The following RAB10 variants were observed in gnomAD, a reference collection of about 807,000 sequenced individuals.
The protein encoded by RAB10 is RAB10, member RAS oncogene family.
A neutral mutation model predicts 25.7 loss-of-function variants in RAB10; 5 were observed. That is an observed-to-expected ratio of 0.19 (90% CI 0.10 to 0.41). The LOEUF (loss-of-function observed/expected upper bound fraction) is 0.41, where lower values mean the gene tolerates loss of function less well. Among genes scored for constraint, RAB10 ranks in the 10% least tolerant of loss-of-function variants. The pLI, the probability that RAB10 is intolerant of heterozygous loss-of-function variation, is 1.00. For synonymous variants in RAB10, 89 were observed against 86.4 expected, an observed-to-expected ratio of 1.03 and a Z score of -0.16; for missense variants, 103 against 245.8, an observed-to-expected ratio of 0.42 and a Z score of 3.89.
At chr2:26,112,582 G>A (rs1171324373) in intron 3 of RAB10, among the ~76,000 whole-genome samples, 1 of 152,152 alleles carries the variant, frequency 6.6e-6, no homozygotes, top group African/African-American at 2.4e-5. Flanking sequence ...AAGATAAACT[G>A]AGAAACATAC....
intron 1 of RAB10, among the ~76,000 whole-genome samples, chr2:26,037,617 C>G (rs1439481516): frequency 1.3e-5 from 2 of 149,698 alleles, no homozygotes; most frequent in Admixed American, 1.3e-4. Context: ...CCAGCCTGGG[C>G]AACAAGAGTG....
intron 3 of RAB10, among the ~76,000 whole-genome samples, chr2:26,121,225 T>C (rs1022775136): frequency 6.6e-6 from 1 of 152,196 alleles, no homozygotes; most frequent in African/African-American, 2.4e-5. Flanking sequence ...TTTTTCTTTG[T>C]TAAGCTTGTG....
chr2:26,107,307 T>C (rs1667485697), intron 2 of RAB10, among the ~76,000 whole-genome samples: 1 of 146,716 alleles, frequency 6.8e-6, no homozygotes, highest in South Asian at 2.1e-4. Flanking sequence ...AAACACATGA[T>C]CTGTAAAAGA....
chr2:26,124,851 A>G (rs1667875151), intron 3 of RAB10, among the ~76,000 whole-genome samples: 1 of 152,186 alleles, frequency 6.6e-6, no homozygotes, highest in South Asian at 2.1e-4. Context: ...AAGTGGAATC[A>G]TATAGTATTT....
At chr2:26,045,325 C>T (rs1448552880) in intron 1 of RAB10, among the ~76,000 whole-genome samples, 1 of 151,474 alleles carries the variant, frequency 6.6e-6, no homozygotes, top group African/African-American at 2.4e-5. Context: ...CTGCAAGCTC[C>T]GCCTCCCGGG....
intron 1 of RAB10, among the ~76,000 whole-genome samples, chr2:26,042,031 CAGGAATGCGTT>C (rs1168460385): frequency 6.6e-6 from 1 of 152,162 alleles, no homozygotes; most frequent in Non-Finnish European, 1.5e-5. Flanking sequence ...AGTATGAGCT[CAGGAATGCGTT>C]ACTTATTAGT....
At chr2:26,055,901 T>TC (rs1372104940) in intron 1 of RAB10, among the ~76,000 whole-genome samples, 1 of 143,842 alleles carries the variant, frequency 7.0e-6, no homozygotes, top group African/African-American at 2.5e-5. Context: ...GAACTTTTTT[T>TC]TCTTTTTTTT....
chr2:26,126,609 T>C (rs1387624206), intron 3 of RAB10, among the ~76,000 whole-genome samples: 1 of 152,150 alleles, frequency 6.6e-6, no homozygotes, highest in East Asian at 1.9e-4. Context: ...AGAGATTCTT[T>C]TGATGTTAGA....
At chr2:26,060,661 A>C (rs1000207861) in intron 1 of RAB10, among the ~76,000 whole-genome samples, 1 of 152,192 alleles carries the variant, frequency 6.6e-6, no homozygotes, top group Non-Finnish European at 1.5e-5. Context: ...GATTAGAAAC[A>C]TTAGGTAATT....
chr2:26,122,001 G>A (rs1667810875), intron 3 of RAB10, among the ~76,000 whole-genome samples: 1 of 152,096 alleles, frequency 6.6e-6, no homozygotes, highest in African/African-American at 2.4e-5. Context: ...ATCGTGTCTA[G>A]TGCAATACCA....
intron 2 of RAB10, among the ~76,000 whole-genome samples, chr2:26,106,264 A>G (rs1310505520): frequency 6.6e-6 from 1 of 152,236 alleles, no homozygotes; most frequent in Non-Finnish European, 1.5e-5. Flanking sequence ...TTTATATGGG[A>G]AGGCTAGGGT....
intron 1 of RAB10, among the ~76,000 whole-genome samples, chr2:26,095,220 C>T (rs1036163864): frequency 6.6e-6 from 1 of 152,102 alleles, no homozygotes; most frequent in Admixed American, 6.6e-5. Flanking sequence ...AGATTGTAGT[C>T]CTTTCTGGGT....
chr2:26,104,466 T>G (rs190341145), intron 2 of RAB10, among the ~76,000 whole-genome samples: 1 of 152,360 alleles, frequency 6.6e-6, no homozygotes, highest in East Asian at 1.9e-4. Context: ...TATTTGTATA[T>G]TCTGCATACC....
chr2:26,043,977 C>T (rs763286894), intron 1 of RAB10, among the ~76,000 whole-genome samples: 7 of 152,000 alleles, frequency 4.6e-5, no homozygotes, highest in Non-Finnish European at 1.0e-4. Context: ...ATGGTGATTA[C>T]CAGGGGCTGG....
intron 1 of RAB10, among the ~76,000 whole-genome samples, chr2:26,086,052 C>T (rs894663966): frequency 1.4e-5 from 2 of 146,546 alleles, no homozygotes; most frequent in East Asian, 2.0e-4. Context: ...CGGTAGCTCA[C>T]GCCTGTAATC....
chr2:26,120,339 A>T (rs1000326491), intron 3 of RAB10, among the ~76,000 whole-genome samples: 2 of 152,200 alleles, frequency 1.3e-5, no homozygotes, highest in Non-Finnish European at 1.5e-5. Context: ...TTAGAATCTT[A>T]CCAGAATGAT....
chr2:26,135,177 T>A lies in RAB10; in HGVS notation c.*156T>A. ...TTTTATTTGTTCTTTCATCTGTGACTGCTTGCTGACTTTATCATAATTTTC... is the reference window on the plus strand; with the variant it reads ...TTTTATTTGTTCTTTCATCTGTGACAGCTTGCTGACTTTATCATAATTTTC... On this transcript the variant is annotated 3_prime_UTR_variant, in exon 6 of 6. Coordinates refer to ENST00000264710, the MANE Select transcript of RAB10 (RefSeq NM_016131.5). 1 of 547,636 alleles carries A rather than the reference T, an allele frequency of 1.8e-6. No individual in the cohort carries two copies. Among genetic ancestry groups the A allele is most frequent in the Non-Finnish European group, 3.1e-6 (1 of 321,126 alleles). 33.9% of individuals were successfully genotyped at this position (547,636 alleles called of 1,614,324 possible). A position where few individuals can be genotyped will look rare whatever the true frequency, so the allele number is the denominator to read the frequency against.
chr2:26,120,954 C>T (rs766127682), intron 3 of RAB10, among the ~76,000 whole-genome samples: 4 of 151,908 alleles, frequency 2.6e-5, no homozygotes, highest in Non-Finnish European at 4.4e-5. Flanking sequence ...CTCTGTCACC[C>T]AGGCTGGAGT....
At chr2:26,116,819 G>A (rs2149286275) in intron 3 of RAB10, among the ~76,000 whole-genome samples, 1 of 151,422 alleles carries the variant, frequency 6.6e-6, no homozygotes, top group East Asian at 1.9e-4. Flanking sequence ...GCCTCCCAAA[G>A]TGCTGGGATT....
Sources: allele counts gnomAD v4.1 joint callset (sites outside exome capture counted in the v4.1 genomes callset), GRCh38; gene constraint gnomAD v4.1.1; transcripts MANE v1.5; gene names NCBI Gene and HGNC (gene_info 2026-07-23, HGNC 2026-07-21).